Variants in INVS observed in about 807,000 individuals in gnomAD.
INVS encodes the protein inversin.
Under a neutral mutation model 108.8 loss-of-function variants are expected in INVS, and 86 were observed. That is an observed-to-expected ratio of 0.79 (90% CI 0.66 to 0.95). The LOEUF is 0.95. Among genes scored for constraint, INVS ranks in the 40% least tolerant of loss-of-function variants. The probability of loss-of-function intolerance (pLI) is 0.00; values close to 1 mark genes in which losing one functional copy is unlikely to be tolerated. For missense variants in INVS, 1,169 were observed against 1,297.4 expected, an observed-to-expected ratio of 0.90 and a Z score of 1.52; for synonymous variants, 455 against 473.5, an observed-to-expected ratio of 0.96 and a Z score of 0.51.
chr9:100,291,052 T>C (rs1303696984), intron 13 of INVS, among the ~76,000 whole-genome samples: 1 of 150,496 alleles, frequency 6.6e-6, no homozygotes, highest in Non-Finnish European at 1.5e-5. Context: ...GGATAATCTA[T>C]GTGCCTGTTT....
chr9:100,268,013 G>A (rs1441580510), intron 11 of INVS, among the ~76,000 whole-genome samples: 1 of 152,168 alleles, frequency 6.6e-6, no homozygotes, highest in East Asian at 1.9e-4. Context: ...AGATGAAGAT[G>A]TTACAGGAAA....
At position 100,202,823 on chromosome 9, in the gene INVS, T is replaced by C. The variant is rs1388986668; in HGVS notation, c.274-23239T>C. Among the ~76,000 whole-genome samples the C allele has an allele frequency of 2.0e-5, 3 of 152,236 alleles. No homozygotes were observed. In the East Asian group the frequency reaches 5.8e-4, roughly 29 times the overall value. On this transcript the variant is annotated intron_variant, in intron 3 of 16. Transcript: ENST00000262457. ...ATTTAGTCTCCTTAGACTAACTAGA[T>C]TTATTGTGGGCTATCAGAAATCCTC... is the stretch of plus-strand genomic sequence containing the variant.
chr9:100,254,593 A>T (rs1286200490), intron 10 of INVS, among the ~76,000 whole-genome samples: 1 of 152,178 alleles, frequency 6.6e-6, no homozygotes, highest in Non-Finnish European at 1.5e-5. Flanking sequence ...TAATTTTTAT[A>T]TAAGGTATAA....
At chr9:100,192,855 G>T (rs1334951526) in intron 3 of INVS, among the ~76,000 whole-genome samples, 4 of 151,940 alleles carry the variant, frequency 2.6e-5, no homozygotes, top group African/African-American at 9.7e-5. Context: ...TTTCTTTTGT[G>T]AAGTTGTGTG....
intron 8 of INVS, among the ~76,000 whole-genome samples, chr9:100,248,958 T>G (rs1832134390): frequency 6.6e-6 from 1 of 150,620 alleles, no homozygotes; most frequent in Non-Finnish European, 1.5e-5. Flanking sequence ...CAGGCTGGTC[T>G]CAAACTCCTG....
Position 100,272,900 on chromosome 9 carries a change from C to A in INVS, c.1608C>A (p.Arg536=), listed in dbSNP as rs1309845147. Residue 536 remains arginine (R), a synonymous_variant, in exon 12 of 17, where the codon CGC becomes CGA. Transcript: ENST00000262457. ...TTGATTATGCTTTGCTTGGTGAGCG[C>A]CATGAAGTGATCCAGTTCATGTTGG... The part of the protein sequence containing the change: ...TPLDYALLGE[R]HEVIQFMLEH... 2 of 1,613,944 alleles carry A rather than the reference C, an allele frequency of 1.2e-6. No individual in the cohort carries two copies. The highest frequency in any genetic ancestry group is 1.7e-6 in the Non-Finnish European group (2 of 1,180,022).
At chr9:100,223,300 T>C (rs1831207807) in intron 3 of INVS, among the ~76,000 whole-genome samples, 1 of 152,036 alleles carries the variant, frequency 6.6e-6, no homozygotes, top group Non-Finnish European at 1.5e-5. Flanking sequence ...TTTCACTATA[T>C]TGGCCAGCCT....
chr9:100,103,137 G>A (rs147422520), intron 1 of INVS, among the ~76,000 whole-genome samples: 53 of 152,174 alleles, frequency 3.5e-4, no homozygotes, highest in African/African-American at 1.1e-3. Flanking sequence ...ACAGGCGTGA[G>A]CCATCACACC....
chr9:100,301,002 G>A lies in INVS; in HGVS notation c.*328G>A, dbSNP rs180972101. ...AACAGCAAAATCTAAGGAAAACTAC[G>A]GCTGCTGGGTTGGGATTTCTGCCAG... On this transcript the variant is annotated 3_prime_UTR_variant, in exon 17 of 17. Transcript: ENST00000262457. 150 of 311,494 alleles carry A rather than the reference G, an allele frequency of 4.8e-4. 3 individuals carry two copies. The East Asian group carries it at 9.9e-3, about 21-fold the overall frequency. 19.3% of individuals were successfully genotyped at this position (311,494 alleles called of 1,614,324 possible). A position where few individuals can be genotyped will look rare whatever the true frequency, so the allele number is the denominator to read the frequency against.
At position 100,273,083 on chromosome 9, in the gene INVS, A is replaced by C. The variant is rs1036479094; in HGVS notation, c.1784+7A>C. On this transcript the variant is annotated splice_region_variant and intron_variant, in intron 12 of 16. Transcript: ENST00000262457. ...GAAAAGATGCTGCTGCCAAGTAAGT[A>C]TGAGCTACGCAGATTGCGTTTTCGC... is the stretch of plus-strand genomic sequence containing the variant. The C allele has an allele frequency of 1.2e-6, 2 of 1,612,240 alleles. No individual in the cohort carries two copies. The highest frequency in any genetic ancestry group is 1.7e-6 in the Non-Finnish European group (2 of 1,178,460).
chr9:100,253,563 G>A (rs1832313496), intron 10 of INVS, among the ~76,000 whole-genome samples: 1 of 151,784 alleles, frequency 6.6e-6, no homozygotes, highest in Non-Finnish European at 1.5e-5. Flanking sequence ...ATCCCTCCCT[G>A]CTTCCCCCAT....
In INVS at chr9:100,264,944, C is replaced by CTTTTTTTTTTTTTT; in HGVS notation, c.1571+19_1571+32dup. The CTTTTTTTTTTTTTT allele has an allele frequency of 2.4e-6, 3 of 1,241,804 alleles. No individual in the cohort carries two copies. The highest frequency in any genetic ancestry group is 1.6e-5 in the African/African-American group (1 of 62,452). 76.9% of individuals were successfully genotyped at this position (1,241,804 alleles called of 1,614,324 possible). A position where few individuals can be genotyped will look rare whatever the true frequency, so the allele number is the denominator to read the frequency against. ...ATGAAGAGAGGTAAGTTGTTGTTGACTTTTTTTTTTTTTTTTGAGATGGCT... is the reference window on the plus strand; with the variant it reads ...ATGAAGAGAGGTAAGTTGTTGTTGACTTTTTTTTTTTTTTTTTTTTTTTTTTTTTTGAGATGGCT... On this transcript the variant is annotated intron_variant, in intron 11 of 16. Transcript: ENST00000262457.
chr9:100,118,433 T>A (rs1235385892), intron 2 of INVS, among the ~76,000 whole-genome samples: 2 of 148,270 alleles, frequency 1.3e-5, no homozygotes, highest in African/African-American at 5.0e-5. Context: ...GGTCTCGGAC[T>A]CCTGGCCTCA....
chr9:100,259,312 C>G (rs558746041), intron 10 of INVS, among the ~76,000 whole-genome samples: 1 of 152,230 alleles, frequency 6.6e-6, no homozygotes, highest in South Asian at 2.1e-4. Context: ...TTTCCAGGTA[C>G]CATCTGTCAC....
intron 1 of INVS, 114 bp downstream of exon 1, chr9:100,099,530 A>G (rs1441013006): frequency 1.3e-5 from 2 of 152,462 alleles, no homozygotes; most frequent in Non-Finnish European, 2.9e-5. Context: ...AGCCTCCATC[A>G]TTGGCCTCCT....
At chr9:100,186,186 G>A (rs13301295) in intron 3 of INVS, among the ~76,000 whole-genome samples, 47,713 of 151,660 alleles carry the variant, frequency 0.31, 8,606 homozygotes, top group Non-Finnish European at 0.42. Flanking sequence ...GTTTCACTCC[G>A]TCACCCAGGC....
intron 2 of INVS, among the ~76,000 whole-genome samples, chr9:100,114,853 A>G (rs1052849724): frequency 6.6e-6 from 1 of 152,214 alleles, no homozygotes; most frequent in African/African-American, 2.4e-5. Context: ...TTTAAGGACA[A>G]TTGGGATGTT....
At chr9:100,233,948 C>A (rs1442881407) in intron 5 of INVS, among the ~76,000 whole-genome samples, 2 of 152,158 alleles carry the variant, frequency 1.3e-5, no homozygotes, top group African/African-American at 4.8e-5. Flanking sequence ...AGGAATGGTA[C>A]CAGCTCCTCT....
chr9:100,252,136 A>C (rs1832256794), intron 8 of INVS, 147 bp from the exon 9 acceptor site: 1 of 926,414 alleles, frequency 1.1e-6, no homozygotes, highest in Admixed American at 2.0e-5. Flanking sequence ...GAATCTAAAA[A>C]AGCAAAAAAT....
Sources: allele counts gnomAD v4.1 joint callset (sites outside exome capture counted in the v4.1 genomes callset), GRCh38; gene constraint gnomAD v4.1.1; transcripts MANE v1.5; gene names NCBI Gene and HGNC (gene_info 2026-07-23, HGNC 2026-07-21).